Variants in MAGI2 observed in about 807,000 individuals in gnomAD.
The protein encoded by MAGI2 is membrane associated guanylate kinase, WW and PDZ domain containing 2.
Under a neutral mutation model 133.3 loss-of-function variants are expected in MAGI2, and 35 were observed. That is an observed-to-expected ratio of 0.26 (90% confidence interval 0.20 to 0.35). The LOEUF is 0.35. Among genes scored for constraint, MAGI2 ranks in the 10% least tolerant of loss-of-function variants. MAGI2 has a pLI of 1.00. For missense variants in MAGI2, 1,636 were observed against 1,863.4 expected (o/e 0.88, Z 2.25); for synonymous variants, 729 against 710.6 (o/e 1.03, Z -0.41).
chr7:78,604,131 A>G (rs1216270939), intron 3 of MAGI2, among the ~76,000 whole-genome samples: 1 of 152,230 alleles, frequency 6.6e-6, no homozygotes, highest in Non-Finnish European at 1.5e-5. Flanking sequence ...TTTATTGATG[A>G]AACAGTCATG....
At chr7:78,794,881 T>A (rs1459036071) in intron 2 of MAGI2, among the ~76,000 whole-genome samples, 1 of 152,156 alleles carries the variant, frequency 6.6e-6, no homozygotes, top group Admixed American at 6.5e-5. Context: ...CTATTTTCAC[T>A]ATTTATTCCT....
chr7:78,172,631 T>G (rs1389197504), intron 14 of MAGI2, among the ~76,000 whole-genome samples: 3 of 152,224 alleles, frequency 2.0e-5, no homozygotes, highest in African/African-American at 7.2e-5. Context: ...TGTTCATTAT[T>G]TGCTGAAAGC....
intron 6 of MAGI2, among the ~76,000 whole-genome samples, chr7:78,385,277 T>A (rs10953544): frequency 0.07 from 10,631 of 152,244 alleles, 409 homozygotes; most frequent in South Asian, 0.095. Context: ...CATTTTTAGT[T>A]TGTGTTGTGG....
At chr7:78,572,416 T>C (rs1481138248) in intron 3 of MAGI2, among the ~76,000 whole-genome samples, 2 of 152,260 alleles carry the variant, frequency 1.3e-5, no homozygotes, top group Non-Finnish European at 1.5e-5. Flanking sequence ...CAAAAGTTCA[T>C]AGATGTGGGG....
chr7:79,195,785 AT>A lies in MAGI2; in HGVS notation c.302-188580del, dbSNP rs60360552. On this transcript the variant is annotated intron_variant, in intron 1 of 21. Transcript: ENST00000354212. ...ATCCAGCATCAATCTAATACTAAGGATTTTTTTTTTTGAGATTTAATATACA... is the reference window on the plus strand; with the variant it reads ...ATCCAGCATCAATCTAATACTAAGGATTTTTTTTTTGAGATTTAATATACA... 7.0e-3 allele frequency among the ~76,000 whole-genome samples: 1,038 copies of A among 148,846 alleles called. 28 individuals are homozygous for A. Among genetic ancestry groups the A allele is most frequent in the African/African-American group, 0.022 (899 of 40,734 alleles).
intron 21 of MAGI2, among the ~76,000 whole-genome samples, chr7:78,070,174 C>CATATATATATATATAT (rs57714371): frequency 1.4e-4 from 8 of 56,656 alleles, no homozygotes; most frequent in African/African-American, 4.1e-4. Context: ...CACACACACA[C>CATATATATATATATAT]ATATATATAT....
intron 1 of MAGI2, among the ~76,000 whole-genome samples, chr7:79,150,265 A>AAC (rs1026472155): frequency 1.3e-5 from 2 of 151,806 alleles, no homozygotes; most frequent in African/African-American, 2.4e-5. Context: ...GGTTAAAAAA[A>AAC]AAAACCCTTA....
rs112503764 is a variant in MAGI2 at position 79,123,762 on chromosome 7, G to C, written c.302-116556C>G. The stretch of plus-strand genomic sequence containing the variant: ...GATCGCACCACTGCATTCCAGCCTG[G>C]GCGACAGAGTGAGACTCCATCTCAA... On this transcript the variant is annotated intron_variant, in intron 1 of 21. Coordinates refer to ENST00000354212, the MANE Select transcript of MAGI2 (RefSeq NM_012301.4). Among the ~76,000 whole-genome samples, 219 of 135,636 alleles carry C rather than the reference G, an allele frequency of 1.6e-3. 2 individuals are homozygous for C. Among genetic ancestry groups the C allele is most frequent in the African/African-American group, 5.6e-3 (212 of 37,582 alleles). 89.0% of individuals were successfully genotyped at this position (135,636 alleles called of 152,430 possible).
At position 78,532,196 on chromosome 7, in the gene MAGI2, T is replaced by C. The variant is rs139271965; in HGVS notation, c.539-10551A>G. ...CTAAAATGCTCCTCACCTCCAAAAT[T>C]CTGTAATGAAAAATTTTAAAGGATG... On this transcript the variant is annotated intron_variant, in intron 3 of 21. Transcript: ENST00000354212. Among the ~76,000 whole-genome samples, 3 of 152,222 alleles carry C rather than the reference T, an allele frequency of 2.0e-5. No individual in the cohort carries two copies. The East Asian group carries it at 5.8e-4, about 29-fold the overall frequency.
chr7:78,752,188 G>A (rs1375385456), intron 2 of MAGI2, among the ~76,000 whole-genome samples: 1 of 152,216 alleles, frequency 6.6e-6, no homozygotes, highest in Non-Finnish European at 1.5e-5. Flanking sequence ...TGCTAAAGAA[G>A]TAGCAGTTGC....
intron 20 of MAGI2, among the ~76,000 whole-genome samples, chr7:78,083,387 G>GA (rs1816229048): frequency 6.0e-5 from 2 of 33,306 alleles, no homozygotes; most frequent in African/African-American, 1.3e-4. Context: ...AGGGAGGGGG[G>GA]GAGAGAGAGA....
At chr7:78,595,318 G>A (rs1804480584) in intron 3 of MAGI2, among the ~76,000 whole-genome samples, 1 of 152,170 alleles carries the variant, frequency 6.6e-6, no homozygotes. Context: ...ATATTTAATT[G>A]TGCCTGAATT....
At position 78,178,078 on chromosome 7, in the gene MAGI2, A is replaced by T; in HGVS notation, c.2336T>A (p.Val779Asp). 1 of 1,612,876 alleles carries T rather than the reference A, an allele frequency of 6.2e-7. No individual in the cohort carries two copies. Among genetic ancestry groups the T allele is most frequent in the Non-Finnish European group, 8.5e-7 (1 of 1,179,020 alleles). The change falls in exon 14 of 22, where the codon GTT becomes GAT. Residue 779 changes from valine to aspartate, a missense_variant. Physicochemically the swap from Val to Asp is radical, Grantham distance 152. Around this residue, in one of 5 missense-constraint regions of MAGI2, gnomAD observed 920 missense variants for 1,093.5 expected, o/e 0.84. Transcript: ENST00000354212. ...SSGPDYKELD[V>D]HLRRMESGFG... is the part of the protein sequence containing the mutation. The stretch of plus-strand genomic sequence containing the variant: ...TCCAGACTCCATCCTCCGAAGATGA[A>T]CATCCAATTCCTTATAATCTGGACC...
At chr7:78,757,411 A>T (rs527586493) in intron 2 of MAGI2, among the ~76,000 whole-genome samples, 51 of 152,146 alleles carry the variant, frequency 3.4e-4, no homozygotes, top group African/African-American at 9.6e-4. Context: ...GCTTAAAAAA[A>T]TTCCACCTCT....
In MAGI2 at chr7:79,453,393, G is replaced by T. The variant is rs2129211024; in HGVS notation, c.-73C>A. 2 of 1,522,444 alleles carry T rather than the reference G, an allele frequency of 1.3e-6. No individual in the cohort carries two copies. Among genetic ancestry groups the T allele is most frequent in the East Asian group, 4.6e-5 (2 of 43,936 alleles). The allele number at this position is 1,522,444 out of a possible 1,614,324, so 94.3% of individuals were successfully genotyped here. Reference sequence around the variant, plus strand: ...GGGCTGGTGGTGAGAGAATGAGGATGGAGGAGCAAGGGGGCCCAGGGGGAA... The same window carrying T: ...GGGCTGGTGGTGAGAGAATGAGGATTGAGGAGCAAGGGGGCCCAGGGGGAA... On this transcript the variant is annotated 5_prime_UTR_variant, in exon 1 of 22. Coordinates refer to ENST00000354212, the MANE Select transcript of MAGI2 (RefSeq NM_012301.4).
intron 2 of MAGI2, among the ~76,000 whole-genome samples, chr7:78,726,365 G>A (rs1475415261): frequency 6.6e-6 from 1 of 152,178 alleles, no homozygotes; most frequent in Non-Finnish European, 1.5e-5. Context: ...ATCTAAATGT[G>A]CTAACTTGAA....
intron 2 of MAGI2, among the ~76,000 whole-genome samples, chr7:78,874,982 G>A (rs903328233): frequency 2.0e-5 from 3 of 152,104 alleles, no homozygotes; most frequent in African/African-American, 7.2e-5. Flanking sequence ...TTACCCTTGA[G>A]AGACTATAAC....
At chr7:78,108,019 G>T (rs995902502) in intron 20 of MAGI2, among the ~76,000 whole-genome samples, 1 of 151,182 alleles carries the variant, frequency 6.6e-6, no homozygotes, top group African/African-American at 2.4e-5. Context: ...ACTAATTTTG[G>T]GTTTGATTTT....
intron 12 of MAGI2, among the ~76,000 whole-genome samples, 172 bp downstream of exon 12, chr7:78,194,701 AC>A (rs1338059916): frequency 3.3e-5 from 5 of 152,166 alleles, no homozygotes; most frequent in Non-Finnish European, 5.9e-5. Context: ...TAATAAACCG[AC>A]TTTTAGAGTC....
Sources: allele counts gnomAD v4.1 joint callset (sites outside exome capture counted in the v4.1 genomes callset), GRCh38; gene constraint gnomAD v4.1.1; regional missense constraint gnomAD v4.1.1; transcripts MANE v1.5; gene names NCBI Gene and HGNC (gene_info 2026-07-23, HGNC 2026-07-21).